The following CDKAL1 variants were observed in gnomAD, a reference collection of about 807,000 sequenced individuals.
The protein encoded by CDKAL1 is threonylcarbamoyladenosine tRNA methylthiotransferase.
CDKAL1 carries 32 observed loss-of-function variants against 68.2 expected under a neutral mutation model. The ratio of observed to expected loss-of-function variants is 0.47; its 90% CI spans 0.35 to 0.63. The LOEUF is 0.63. Ranked by LOEUF, CDKAL1 falls within the 30% of genes least tolerant of loss-of-function variation. CDKAL1 has a pLI of 0.00. For missense variants in CDKAL1, 606 were observed against 696.7 expected (o/e 0.87, Z 1.47); for synonymous variants, 234 against 244.3 (o/e 0.96, Z 0.39).
At chr6:20,913,116 T>C (rs1025051759) in intron 9 of CDKAL1, among the ~76,000 whole-genome samples, 10 of 136,462 alleles carry the variant, frequency 7.3e-5, no homozygotes, top group African/African-American at 2.8e-4. Flanking sequence ...CACAGTTGTT[T>C]ACACACACAC....
At chr6:20,723,164 G>C (rs941320584) in intron 5 of CDKAL1, among the ~76,000 whole-genome samples, 3 of 152,170 alleles carry the variant, frequency 2.0e-5, no homozygotes, top group African/African-American at 4.8e-5. Context: ...ACCCACCACT[G>C]TCCGTGGACA....
intron 12 of CDKAL1, among the ~76,000 whole-genome samples, chr6:21,093,694 C>CTTTTTTTTTTT (rs547923386): frequency 9.1e-5 from 8 of 88,096 alleles, no homozygotes; most frequent in African/African-American, 2.7e-4. Flanking sequence ...GCTGCTGCTG[C>CTTTTTTTTTTT]TTTTTTTTTT....
chr6:21,058,161 G>A (rs1770941548), intron 11 of CDKAL1, among the ~76,000 whole-genome samples: 2 of 152,278 alleles, frequency 1.3e-5, no homozygotes, highest in South Asian at 4.1e-4. Flanking sequence ...CTCTTTGTAG[G>A]TCTCTAAGAA....
intron 5 of CDKAL1, among the ~76,000 whole-genome samples, chr6:20,677,698 G>C (rs1234986027): frequency 6.6e-6 from 1 of 152,172 alleles, no homozygotes; most frequent in Non-Finnish European, 1.5e-5. Flanking sequence ...TTACAGGTGT[G>C]AGCCCCCATG....
chr6:21,037,810 A>G (rs1342289789), intron 11 of CDKAL1, among the ~76,000 whole-genome samples: 3 of 123,810 alleles, frequency 2.4e-5, no homozygotes. Context: ...TGCGATTTAC[A>G]TTTACTTAAT....
At chr6:20,664,571 A>G (rs1262882558) in intron 5 of CDKAL1, among the ~76,000 whole-genome samples, 1 of 152,172 alleles carries the variant, frequency 6.6e-6, no homozygotes, top group African/African-American at 2.4e-5. Context: ...TTGAGTCAAC[A>G]TATTTTGTAG....
intron 9 of CDKAL1, among the ~76,000 whole-genome samples, chr6:20,925,899 A>G (rs1763164197): frequency 1.3e-5 from 2 of 152,140 alleles, no homozygotes; most frequent in African/African-American, 2.4e-5. Flanking sequence ...GAAGACATTA[A>G]TCCTCATTAT....
intron 11 of CDKAL1, among the ~76,000 whole-genome samples, chr6:21,001,975 C>T (rs572443582): frequency 3.0e-4 from 45 of 152,220 alleles, no homozygotes; most frequent in Middle Eastern, 3.4e-3. Flanking sequence ...TGTGATTAAA[C>T]GAGGTTAAGG....
rs869195000 is a variant in CDKAL1 at position 20,853,402 on chromosome 6, CAAAAAAAAAA to C, written c.742+7226_742+7235del. ...CTCAAAAAACAAAACAAAAAAAAAA[CAAAAAAAAAA>C]ACCCTATATGATAGGGGTTATTGAT... is the stretch of plus-strand genomic sequence containing the variant. On this transcript the variant is annotated intron_variant, in intron 9 of 15. Transcript: ENST00000274695. 3.5e-3 allele frequency among the ~76,000 whole-genome samples: 121 copies of C among 34,406 alleles called. 1 individual carries two copies. The highest frequency in any genetic ancestry group is 5.2e-3 in the African/African-American group (116 of 22,428). 22.6% of individuals were successfully genotyped at this position (34,406 alleles called of 152,430 possible).
At chr6:21,039,625 T>C (rs988939434) in intron 11 of CDKAL1, among the ~76,000 whole-genome samples, 4 of 152,216 alleles carry the variant, frequency 2.6e-5, no homozygotes, top group African/African-American at 9.6e-5. Context: ...GTTTATTTCC[T>C]CACTAAACAT....
chr6:20,741,174 G>A (rs1773440217), intron 6 of CDKAL1, among the ~76,000 whole-genome samples: 1 of 151,974 alleles, frequency 6.6e-6, no homozygotes, highest in Non-Finnish European at 1.5e-5. Flanking sequence ...AGGACACTTA[G>A]TGCTATTAAT....
At chr6:21,218,798 T>A (rs566142107) in intron 15 of CDKAL1, among the ~76,000 whole-genome samples, 1 of 152,308 alleles carries the variant, frequency 6.6e-6, no homozygotes, top group East Asian at 1.9e-4. Context: ...TCATTTATGT[T>A]GAGCATTAGA....
chr6:20,659,688 C>T (rs1255797408), intron 5 of CDKAL1, among the ~76,000 whole-genome samples: 2 of 152,170 alleles, frequency 1.3e-5, no homozygotes, highest in South Asian at 2.1e-4. Flanking sequence ...TATCCCACTG[C>T]TTCCTTGACT....
intron 11 of CDKAL1, among the ~76,000 whole-genome samples, chr6:21,062,861 A>G (rs1207513046): frequency 3.3e-5 from 5 of 152,030 alleles, no homozygotes; most frequent in African/African-American, 1.2e-4. Flanking sequence ...TATCTCATAT[A>G]TCTTAATTTG....
chr6:20,596,413 G>C (rs751258335), intron 4 of CDKAL1, among the ~76,000 whole-genome samples: 4 of 152,238 alleles, frequency 2.6e-5, no homozygotes, highest in Non-Finnish European at 5.9e-5. Context: ...TTGCCGAGCT[G>C]TGGTGGGCTC....
intron 15 of CDKAL1, among the ~76,000 whole-genome samples, chr6:21,218,963 T>G (rs1306793640): frequency 2.0e-5 from 3 of 151,950 alleles, no homozygotes; most frequent in African/African-American, 7.2e-5. Context: ...TAATCTAATT[T>G]TAAGTGCCTT....
At chr6:20,908,557 A>C (rs1762330262) in intron 9 of CDKAL1, among the ~76,000 whole-genome samples, 1 of 152,204 alleles carries the variant, frequency 6.6e-6, no homozygotes, top group Non-Finnish European at 1.5e-5. Flanking sequence ...ACTTTGCATA[A>C]ATATTTAGTT....
chr6:21,065,561 T>G (rs1771390730), intron 12 of CDKAL1, among the ~76,000 whole-genome samples: 1 of 152,014 alleles, frequency 6.6e-6, no homozygotes, highest in Non-Finnish European at 1.5e-5. Flanking sequence ...TGTGTATAAA[T>G]GAGGCTTCAT....
chr6:20,547,219 T>TA (rs1471416530), intron 3 of CDKAL1, among the ~76,000 whole-genome samples: 3 of 152,180 alleles, frequency 2.0e-5, no homozygotes, highest in African/African-American at 7.2e-5. Flanking sequence ...TTTGAATGAT[T>TA]TTAAATTTGG....
Sources: gnomAD v4.1 joint callset for allele counts (sites outside exome capture counted in the v4.1 genomes callset) on GRCh38, gnomAD v4.1.1 for gene constraint, MANE v1.5 for transcripts, NCBI Gene and HGNC (gene_info 2026-07-23, HGNC 2026-07-21) for gene names.